OSBPL6: variants seen among roughly 807,000 people sequenced by gnomAD.
OSBPL6 encodes oxysterol binding protein like 6, also known as oxysterol-binding protein-related protein 6.
A neutral mutation model predicts 125.8 loss-of-function variants in OSBPL6; 49 were observed. The observed-to-expected ratio is 0.39, with a 90% CI of 0.31 to 0.49. The LOEUF (loss-of-function observed/expected upper bound fraction) is 0.49. Among genes scored for constraint, OSBPL6 ranks in the 20% least tolerant of loss-of-function variants. OSBPL6 has a pLI of 0.88. For missense variants in OSBPL6, 986 were observed against 1,135.4 expected (o/e 0.87, Z 1.89); for synonymous variants, 394 against 391.8 (o/e 1.01, Z -0.07).
chr2:178,372,553 A>G (rs1234624149), intron 14 of OSBPL6, among the ~76,000 whole-genome samples: 1 of 138,310 alleles, frequency 7.2e-6, no homozygotes, highest in Non-Finnish European at 1.6e-5. Context: ...TTAGCATCAA[A>G]TGGCCGGTGA....
chr2:178,386,537 G>T (rs1236530953), intron 19 of OSBPL6, among the ~76,000 whole-genome samples: 1 of 151,804 alleles, frequency 6.6e-6, no homozygotes, highest in Non-Finnish European at 1.5e-5. Context: ...TTGATATGGG[G>T]GGAAATGTAT....
intron 1 of OSBPL6, among the ~76,000 whole-genome samples, chr2:178,265,174 C>T (rs1442108205): frequency 7.4e-6 from 1 of 135,104 alleles, no homozygotes; most frequent in African/African-American, 2.8e-5. Context: ...AAGTCACTTC[C>T]CCTGGCCCAG....
At position 178,400,314 on chromosome 2, in the gene OSBPL6, G is replaced by C. The variant is rs1389340079; in HGVS notation, c.*4755G>C. The C allele has an allele frequency of 7.4e-6, 1 of 134,420 alleles. No individual in the cohort carries two copies. The highest frequency in any genetic ancestry group is 2.9e-5 in the African/African-American group (1 of 35,000). The allele number at this position is 134,420 out of a possible 1,614,324, so 8.3% of individuals were successfully genotyped here. On this transcript the variant is annotated 3_prime_UTR_variant, in exon 25 of 25. Transcript: ENST00000190611. ...TTTTTTTTTTTTGAGACAGAGTCTTGAGTGCTCTGTCACCCAGGCTGGAGC... is the reference window on the plus strand; with the variant it reads ...TTTTTTTTTTTTGAGACAGAGTCTTCAGTGCTCTGTCACCCAGGCTGGAGC...
chr2:178,337,949 C>CTT (rs755944128), intron 9 of OSBPL6, among the ~76,000 whole-genome samples: 1 of 139,150 alleles, frequency 7.2e-6, no homozygotes, highest in Non-Finnish European at 1.5e-5. Flanking sequence ...TCAGTATTCT[C>CTT]TTTTTTTTTT....
At chr2:178,227,749 GT>G (rs938987220) in intron 1 of OSBPL6, among the ~76,000 whole-genome samples, 2 of 152,160 alleles carry the variant, frequency 1.3e-5, no homozygotes, top group Admixed American at 1.3e-4. Flanking sequence ...TATAACCATA[GT>G]TTTTAGGAAT....
At chr2:178,297,476 C>A (rs559288289) in intron 2 of OSBPL6, among the ~76,000 whole-genome samples, 40 of 152,206 alleles carry the variant, frequency 2.6e-4, no homozygotes, top group African/African-American at 9.1e-4. Context: ...GGGTGGATAT[C>A]TACAGTCTGC....
intron 1 of OSBPL6, among the ~76,000 whole-genome samples, chr2:178,244,574 T>C (rs967739528): frequency 1.3e-5 from 2 of 152,306 alleles, no homozygotes; most frequent in Middle Eastern, 3.4e-3. Flanking sequence ...TCCTGATTTT[T>C]CCCCCTTGGT....
chr2:178,362,798 T>A (rs763381565), intron 13 of OSBPL6, among the ~76,000 whole-genome samples: 2 of 152,190 alleles, frequency 1.3e-5, no homozygotes, highest in Non-Finnish European at 2.9e-5. Flanking sequence ...TTCTGCATTA[T>A]CCATAAAACA....
intron 11 of OSBPL6, among the ~76,000 whole-genome samples, chr2:178,342,883 T>C (rs1292685150): frequency 1.3e-5 from 2 of 152,182 alleles, no homozygotes; most frequent in African/African-American, 4.8e-5. Flanking sequence ...TGTGTAGCTG[T>C]CCTGCATCTC....
rs538822632 is a variant in OSBPL6 at position 178,292,229 on chromosome 2, C to T, written c.-156+7108C>T. Among the ~76,000 whole-genome samples the T allele has an allele frequency of 6.4e-4, 97 of 152,222 alleles. No individual in the cohort carries two copies. The Middle Eastern group carries it at 0.01, about 16-fold the overall frequency. The stretch of plus-strand genomic sequence containing the variant: ...AAATGACCATAAAATTGAAATCCAA[C>T]ATTTGTGAATTATTTTTCAAATATG... On this transcript the variant is annotated intron_variant, in intron 2 of 24. Coordinates refer to ENST00000190611, the MANE Select transcript of OSBPL6 (RefSeq NM_032523.4).
intron 1 of OSBPL6, among the ~76,000 whole-genome samples, chr2:178,274,701 A>G (rs977972104): frequency 9.9e-5 from 15 of 152,244 alleles, no homozygotes; most frequent in African/African-American, 3.4e-4. Context: ...ATAACTATGT[A>G]TTCTCTATAA....
chr2:178,388,016 A>G (rs1252717354), intron 20 of OSBPL6, among the ~76,000 whole-genome samples: 1 of 152,120 alleles, frequency 6.6e-6, no homozygotes, highest in Non-Finnish European at 1.5e-5. Context: ...AAAAGAAAAA[A>G]AAAAATGTAT....
At chr2:178,287,142 C>CTTT (rs149974443) in intron 2 of OSBPL6, among the ~76,000 whole-genome samples, 18 of 106,510 alleles carry the variant, frequency 1.7e-4, no homozygotes, top group South Asian at 9.1e-4. Flanking sequence ...AATGGTTCTT[C>CTTT]TTTTTTTAAA....
Position 178,397,875 on chromosome 2 carries a change from C to T in OSBPL6, c.*2316C>T, listed in dbSNP as rs1695940183. On this transcript the variant is annotated 3_prime_UTR_variant, in exon 25 of 25. Coordinates refer to ENST00000190611, the MANE Select transcript of OSBPL6 (RefSeq NM_032523.4). ...TGAATGTTGGTCAGAGGTAGCCTGA[C>T]ACTCTGATGAGGACTTCAAGATGAG... The T allele has an allele frequency of 6.6e-6, 1 of 152,186 alleles. No homozygotes were observed. The highest frequency in any genetic ancestry group is 1.5e-5 in the Non-Finnish European group (1 of 68,038). 9.4% of individuals were successfully genotyped at this position (152,186 alleles called of 1,614,324 possible).
intron 2 of OSBPL6, among the ~76,000 whole-genome samples, chr2:178,304,304 G>A (rs545142071): frequency 6.6e-6 from 1 of 152,242 alleles, no homozygotes; most frequent in Admixed American, 6.5e-5. Context: ...ATTGACTCAC[G>A]GTTCTGCATG....
chr2:178,382,905 G>T, intron 16 of OSBPL6, 119 bp from the exon 17 acceptor site: 1 of 1,466,504 alleles, frequency 6.8e-7, no homozygotes, highest in South Asian at 1.4e-5. Context: ...CTTTTGAAAA[G>T]ATATAATGAA....
intron 4 of OSBPL6, among the ~76,000 whole-genome samples, chr2:178,327,783 G>A (rs1031439428): frequency 8.6e-5 from 13 of 151,896 alleles, no homozygotes; most frequent in Middle Eastern, 3.2e-3. Context: ...CGTGACCACA[G>A]CGCTGTTATT....
chr2:178,233,203 G>C (rs2090906425), intron 1 of OSBPL6, among the ~76,000 whole-genome samples: 1 of 152,148 alleles, frequency 6.6e-6, no homozygotes, highest in South Asian at 2.1e-4. Flanking sequence ...TTTCAGGCTT[G>C]GATAGGTTTG....
intron 1 of OSBPL6, among the ~76,000 whole-genome samples, chr2:178,209,027 C>T (rs2089701834): frequency 6.6e-6 from 1 of 152,106 alleles, no homozygotes; most frequent in Non-Finnish European, 1.5e-5. Flanking sequence ...AGACCAAAGC[C>T]ATTCTAAAAC....
Sources: gnomAD v4.1 joint callset for allele counts (sites outside exome capture counted in the v4.1 genomes callset) on GRCh38, gnomAD v4.1.1 for gene constraint, MANE v1.5 for transcripts, NCBI Gene and HGNC (gene_info 2026-07-23, HGNC 2026-07-21) for gene names.